The following ITGA8 variants were observed in gnomAD, a reference collection of about 807,000 sequenced individuals.
ITGA8 encodes the protein integrin subunit alpha 8.
A neutral mutation model predicts 142.3 loss-of-function variants in ITGA8; 91 were observed. The ratio of observed to expected loss-of-function variants is 0.64; its 90% CI spans 0.54 to 0.76. ITGA8 has a LOEUF of 0.76. Ranked by LOEUF, ITGA8 falls within the 30% of genes least tolerant of loss-of-function variation. ITGA8 has a pLI of 0.00. For missense variants in ITGA8, 1,406 were observed against 1,327.7 expected (o/e 1.06, Z -0.92); for synonymous variants, 505 against 485.2 (o/e 1.04, Z -0.54).
chr10:15,687,979 A>G lies in ITGA8; in HGVS notation c.403T>C (p.Trp135Arg), dbSNP rs757642762. 1.2e-6 allele frequency: 2 copies of G among 1,613,500 alleles called. No homozygotes were observed. Among genetic ancestry groups the G allele is most frequent in the African/African-American group, 2.7e-5 (2 of 74,846 alleles). ...KEPIEFKSNQ[W>R]FGATVKAHKG... ...TGAGCTTTCACTGTTGCTCCAAACC[A>G]CTGATTGGATTTGAACTCGATAGGT... The change falls in exon 3 of 30, where the codon TGG becomes CGG. Residue 135 changes from tryptophan (W) to arginine (R), a missense_variant. Transcript: ENST00000378076.
rs1833473091 is a variant in ITGA8 at position 15,620,649 on chromosome 10, A to G, written c.1400-4090T>C. 3.3e-5 allele frequency among the ~76,000 whole-genome samples: 5 copies of G among 152,238 alleles called. No individual in the cohort carries two copies. The South Asian group carries it at 1.0e-3, about 31-fold the overall frequency. ...ATGCCTGCTAGAAAGAGCCAGAAGT[A>G]CTTATGCTCGGGACCTTAAAATTGT... On this transcript the variant is annotated intron_variant, in intron 13 of 29. Coordinates refer to ENST00000378076, the MANE Select transcript of ITGA8 (RefSeq NM_003638.3).
chr10:15,575,720 C>T, intron 23 of ITGA8, 126 bp from the exon 24 acceptor site: 4 of 678,906 alleles, frequency 5.9e-6, no homozygotes, highest in Non-Finnish European at 1.0e-5. Context: ...ATACTCCCTA[C>T]AGGGAAAAAT....
chr10:15,655,470 T>G, intron 10 of ITGA8, 64 bp from the exon 11 acceptor site: 1 of 1,064,976 alleles, frequency 9.4e-7, no homozygotes, highest in Non-Finnish European at 1.5e-6. Flanking sequence ...GTCATGTCTC[T>G]ATTATTCCTG....
At chr10:15,719,266 C>T (rs1340756744) in intron 1 of ITGA8, among the ~76,000 whole-genome samples, 1 of 152,248 alleles carries the variant, frequency 6.6e-6, no homozygotes, top group African/African-American at 2.4e-5. Context: ...GCGGTTTTAA[C>T]TGGCTTGGGT....
intron 25 of ITGA8, among the ~76,000 whole-genome samples, chr10:15,568,419 A>C (rs768032889): frequency 1.4e-4 from 22 of 152,254 alleles, no homozygotes; most frequent in Admixed American, 3.3e-4. Context: ...TTATAAAAGC[A>C]GTCAGTGTCT....
chr10:15,585,614 A>T (rs1175914369), intron 23 of ITGA8, among the ~76,000 whole-genome samples: 1 of 152,242 alleles, frequency 6.6e-6, no homozygotes, highest in Non-Finnish European at 1.5e-5. Flanking sequence ...ATTTTTAGCC[A>T]AATCCATGAT....
chr10:15,606,318 C>G lies in ITGA8; in HGVS notation c.1869G>C (p.Leu623Phe). ...TAACAATGTTTTCTCTGTAGTAGTT[C>G]AATATTGGTTTCACTTCCAGGCCTT... is the stretch of plus-strand genomic sequence containing the variant. ...FKEGLEVKPI[L>F]NYYRENIVSE... is the part of the protein sequence containing the mutation. Residue 623 changes from leucine (L) to phenylalanine (F), a missense_variant, in exon 18 of 30, where the codon TTG becomes TTC. By Grantham distance (22) the Leu-to-Phe change is conservative. Coordinates refer to ENST00000378076, the MANE Select transcript of ITGA8 (RefSeq NM_003638.3). 6.2e-7 allele frequency: 1 copy of G among 1,611,934 alleles called. No individual in the cohort carries two copies. Among genetic ancestry groups the G allele is most frequent in the South Asian group, 1.1e-5 (1 of 90,914 alleles).
chr10:15,684,832 A>G (rs534993388), intron 3 of ITGA8, among the ~76,000 whole-genome samples: 1 of 152,208 alleles, frequency 6.6e-6, no homozygotes, highest in South Asian at 2.1e-4. Flanking sequence ...TATGAGAACA[A>G]GTTCCTTTCT....
chr10:15,556,015 TC>T (rs1564349865), intron 26 of ITGA8, among the ~76,000 whole-genome samples: 5 of 78,622 alleles, frequency 6.4e-5, no homozygotes, highest in African/African-American at 1.4e-4. Flanking sequence ...GGTCTCTCTC[TC>T]TCTTTTTTTT....
chr10:15,520,082 A>AT (rs991336257), intron 28 of ITGA8, among the ~76,000 whole-genome samples: 1 of 152,012 alleles, frequency 6.6e-6, no homozygotes, highest in Non-Finnish European at 1.5e-5. Flanking sequence ...TGAATGTTCA[A>AT]TTTTTTTTGA....
At chr10:15,644,479 TATATATATATATAGA>T (rs1252116026) in intron 12 of ITGA8, among the ~76,000 whole-genome samples, 2 of 23,290 alleles carry the variant, frequency 8.6e-5, no homozygotes, top group Non-Finnish European at 2.0e-4. Context: ...TATATATATA[TATATATATATATAGA>T]ATTTTTTTTT....
intron 25 of ITGA8, among the ~76,000 whole-genome samples, chr10:15,569,858 A>G (rs916171085): frequency 7.2e-5 from 11 of 152,364 alleles, no homozygotes; most frequent in African/African-American, 2.4e-4. Flanking sequence ...TCCAAGTCAT[A>G]TCAAGAAAAG....
At chr10:15,710,957 T>A (rs1263814365) in intron 2 of ITGA8, among the ~76,000 whole-genome samples, 1 of 152,170 alleles carries the variant, frequency 6.6e-6, no homozygotes, top group Non-Finnish European at 1.5e-5. Flanking sequence ...ATATTCAAAT[T>A]TATGTCCTTA....
intron 2 of ITGA8, among the ~76,000 whole-genome samples, chr10:15,714,946 G>A (rs754660245): frequency 7.9e-5 from 12 of 152,154 alleles, no homozygotes; most frequent in African/African-American, 2.4e-4. Flanking sequence ...TTCAGATGTC[G>A]TAGTAAAAGT....
chr10:15,660,562 C>T (rs1588704976), intron 9 of ITGA8, among the ~76,000 whole-genome samples: 1 of 152,234 alleles, frequency 6.6e-6, no homozygotes, highest in Non-Finnish European at 1.5e-5. Flanking sequence ...AAGTGATACA[C>T]ATTCTGTAAT....
intron 10 of ITGA8, among the ~76,000 whole-genome samples, chr10:15,656,498 G>A (rs556001511): frequency 1.3e-5 from 2 of 151,950 alleles, no homozygotes; most frequent in African/African-American, 2.4e-5. Context: ...TGAGTAACTG[G>A]GATTACAGGT....
intron 26 of ITGA8, among the ~76,000 whole-genome samples, chr10:15,553,740 C>T (rs1833835328): frequency 6.6e-6 from 1 of 152,178 alleles, no homozygotes; most frequent in Admixed American, 6.5e-5. Flanking sequence ...GTGGCTCACA[C>T]CTGTAATCCC....
chr10:15,714,952 A>C (rs1024459264), intron 2 of ITGA8, among the ~76,000 whole-genome samples: 2 of 152,194 alleles, frequency 1.3e-5, no homozygotes, highest in African/African-American at 4.8e-5. Flanking sequence ...TGTCGTAGTA[A>C]AAGTAGGGTA....
chr10:15,553,617 A>G (rs1833833131), intron 26 of ITGA8, among the ~76,000 whole-genome samples: 2 of 152,218 alleles, frequency 1.3e-5, no homozygotes, highest in Non-Finnish European at 2.9e-5. Context: ...AAACTCTTGA[A>G]AACTTCTGCA....
Sources: gnomAD v4.1 joint callset for allele counts (sites outside exome capture counted in the v4.1 genomes callset) on GRCh38, gnomAD v4.1.1 for gene constraint, MANE v1.5 for transcripts, NCBI Gene and HGNC (gene_info 2026-07-23, HGNC 2026-07-21) for gene names.